The following THRA variants were observed in gnomAD, a reference collection of about 807,000 sequenced individuals.
THRA encodes the protein thyroid hormone receptor alpha.
In THRA, 13 loss-of-function variants were observed where a neutral mutation model predicts 45.0. The ratio of observed to expected loss-of-function variants is 0.29; its 90% CI spans 0.19 to 0.46. THRA has a LOEUF of 0.46. Ranked by LOEUF, THRA falls within the 20% of genes least tolerant of loss-of-function variation. THRA has a pLI of 1.00. For missense variants in THRA, 278 were observed against 556.1 expected, an observed-to-expected ratio of 0.50 and a Z score of 5.03; for synonymous variants, 195 against 214.0, an observed-to-expected ratio of 0.91 and a Z score of 0.78.
chr17:40,089,787 A>C lies in THRA; in HGVS notation c.*331A>C. ...GGACAAGCCACCTTGACCGTAGGGG[A>C]AGGAGGAATGTGGGCTGGGGGAAGA... On this transcript the variant is annotated 3_prime_UTR_variant, in exon 9 of 9. Coordinates refer to ENST00000450525, the MANE Select transcript of THRA (RefSeq NM_199334.5). This position sits in a 1 kb window ranked among gnomAD's most constrained non-coding sequence, Gnocchi z 6.1. The C allele has an allele frequency of 1.7e-6, 2 of 1,165,592 alleles. No homozygotes were observed. The highest frequency in any genetic ancestry group is 2.1e-6 in the Non-Finnish European group (2 of 936,716). 72.2% of individuals were successfully genotyped at this position (1,165,592 alleles called of 1,614,324 possible). A position where few individuals can be genotyped will look rare whatever the true frequency, so the allele number is the denominator to read the frequency against.
chr17:40,090,386 C>G lies in THRA; in HGVS notation c.*930C>G, dbSNP rs1019999142. The G allele has an allele frequency of 6.5e-6, 1 of 152,870 alleles. No homozygotes were observed. The highest frequency in any genetic ancestry group is 2.4e-5 in the African/African-American group (1 of 41,396). The allele number at this position is 152,870 out of a possible 1,614,324, so 9.5% of individuals were successfully genotyped here. ...TGGATGCCAGCTGGCCCCTCACCAG[C>G]CTGCCCTGCTGCCCACACAGCTCCC... On this transcript the variant is annotated 3_prime_UTR_variant, in exon 9 of 9. Transcript: ENST00000450525.
rs112827341 is a variant in THRA at position 40,087,414 on chromosome 17, GCA to G, written c.723+579_723+580del. ...ACACACAGACACACCCAGCACACAG[GCA>G]CACACACACACACACACCTAGCAGA... On this transcript the variant is annotated intron_variant, in intron 7 of 8. Coordinates refer to ENST00000450525, the MANE Select transcript of THRA (RefSeq NM_199334.5). Among the ~76,000 whole-genome samples, 339 of 119,122 alleles carry G rather than the reference GCA, an allele frequency of 2.8e-3. 1 individual carries two copies. The highest frequency in any genetic ancestry group is 8.6e-3 in the African/African-American group (286 of 33,354). The allele number at this position is 119,122 out of a possible 152,430, so 78.1% of individuals were successfully genotyped here. A position where few individuals can be genotyped will look rare whatever the true frequency, so the allele number is the denominator to read the frequency against.
intron 1 of THRA, among the ~76,000 whole-genome samples, chr17:40,069,766 A>ACCAC (rs1986707982): frequency 6.6e-6 from 1 of 151,648 alleles, no homozygotes; most frequent in Admixed American, 6.6e-5. Context: ...TGTGGGCATG[A>ACCAC]CCACCCACCA....
At chr17:40,079,696 T>G (rs1220919816) in intron 4 of THRA, among the ~76,000 whole-genome samples, 2 of 152,158 alleles carry the variant, frequency 1.3e-5, no homozygotes, top group Non-Finnish European at 2.9e-5. Flanking sequence ...ACACTTCAAG[T>G]GAATTGTCTC....
In THRA at chr17:40,090,101, T is replaced by C; in HGVS notation, c.*645T>C. ...ATGATATTAAGTTATTAACTGAGGCTGACCAGAGGGGAGGACCCCCCCTTT... is the reference window on the plus strand; with the variant it reads ...ATGATATTAAGTTATTAACTGAGGCCGACCAGAGGGGAGGACCCCCCCTTT... On this transcript the variant is annotated 3_prime_UTR_variant, in exon 9 of 9. Coordinates refer to ENST00000450525, the MANE Select transcript of THRA (RefSeq NM_199334.5). 1 of 926,900 alleles carries C rather than the reference T, an allele frequency of 1.1e-6. No individual in the cohort carries two copies. The highest frequency in any genetic ancestry group is 1.3e-6 in the Non-Finnish European group (1 of 776,430). The allele number at this position is 926,900 out of a possible 1,614,324, so 57.4% of individuals were successfully genotyped here.
chr17:40,069,723 CTGA>C (rs1413852302), intron 1 of THRA, among the ~76,000 whole-genome samples: 1 of 151,694 alleles, frequency 6.6e-6, no homozygotes, highest in Non-Finnish European at 1.5e-5. Context: ...GTTCTGTGGG[CTGA>C]TAAGGAGGGG....
At chr17:40,082,784 TGAGATGGAGTCTCA>T (rs1987189366) in intron 4 of THRA, among the ~76,000 whole-genome samples, 1 of 143,264 alleles carries the variant, frequency 7.0e-6, no homozygotes, top group African/African-American at 2.7e-5. Context: ...TTTTTTTTTT[TGAGATGGAGTCTCA>T]TTCTGTCACC....
Position 40,089,072 on chromosome 17 carries a change from C to A in THRA, c.983-134C>A. 1.6e-6 allele frequency: 1 copy of A among 631,144 alleles called. No individual in the cohort carries two copies. Among genetic ancestry groups the A allele is most frequent in the East Asian group, 5.1e-5 (1 of 19,530 alleles). The allele number at this position is 631,144 out of a possible 1,614,324, so 39.1% of individuals were successfully genotyped here. A position where few individuals can be genotyped will look rare whatever the true frequency, so the allele number is the denominator to read the frequency against. On this transcript the variant is annotated intron_variant, in intron 8 of 8. Transcript: ENST00000450525. This position sits in a 1 kb window ranked among gnomAD's most constrained non-coding sequence, Gnocchi z 6.1. ...TGTCCACGTCTCTCAGGGGGAGCTT[C>A]TCCCCTCCCCTCCCCCAGCCTCTCT... is the stretch of plus-strand genomic sequence containing the variant.
Position 40,089,743 on chromosome 17 carries a change from G to C in THRA, c.*287G>C, listed in dbSNP as rs1987465375. On this transcript the variant is annotated 3_prime_UTR_variant, in exon 9 of 9. Coordinates refer to ENST00000450525, the MANE Select transcript of THRA (RefSeq NM_199334.5). The surrounding 1 kb of genome is among the most constrained non-coding windows in gnomAD (Gnocchi z 6.1). Reference sequence around the variant, plus strand: ...CCCATCCTCTCAGAAGGTAGGGGAAGGGCGGGAGGATTGAGAAGGGACAAG... The same window carrying C: ...CCCATCCTCTCAGAAGGTAGGGGAACGGCGGGAGGATTGAGAAGGGACAAG... The C allele has an allele frequency of 1.6e-6, 2 of 1,279,428 alleles. No individual in the cohort carries two copies. Among genetic ancestry groups the C allele is most frequent in the African/African-American group, 3.0e-5 (2 of 66,202 alleles). The allele number at this position is 1,279,428 out of a possible 1,614,324, so 79.3% of individuals were successfully genotyped here.
At chr17:40,065,856 G>A (rs1986541083) in intron 1 of THRA, among the ~76,000 whole-genome samples, 1 of 152,158 alleles carries the variant, frequency 6.6e-6, no homozygotes, top group Non-Finnish European at 1.5e-5. Flanking sequence ...CCCTCAGGGT[G>A]CAGGCTGCAG....
At chr17:40,093,092 G>A (rs199759695), downstream of THRA, 14 of 1,614,000 alleles carry the variant, frequency 8.7e-6, no homozygotes, top group South Asian at 2.2e-5. The surrounding 1 kb of genome is among the most constrained non-coding windows in gnomAD (Gnocchi z 5.9). Context: ...GTCACTGGGC[G>A]TCCACCCGGA....
chr17:40,063,199 G>A (rs1598385137), intron 1 of THRA, 107 bp downstream of exon 1: 1 of 152,328 alleles, frequency 6.6e-6, no homozygotes, highest in African/African-American at 2.4e-5. Context: ...GGGGCGCCCA[G>A]GGGGTGCCTG....
At chr17:40,088,532 G>A (rs1359536520) in intron 8 of THRA, 32 bp downstream of exon 8, 1 of 1,581,536 alleles carries the variant, frequency 6.3e-7, no homozygotes, top group Non-Finnish European at 8.6e-7. Context: ...GGGCTCAGAA[G>A]CTTCCAGGGG....
Position 40,083,426 on chromosome 17 carries a change from T to A in THRA, c.223-409T>A, listed in dbSNP as rs552065024. On this transcript the variant is annotated intron_variant, in intron 4 of 8. Transcript: ENST00000450525. Reference sequence around the variant, plus strand: ...CAGGGTTTCTTCATGTTGGTCAGGCTGGTCTCGAACTCCCGACCTCAGTTG... The same window carrying A: ...CAGGGTTTCTTCATGTTGGTCAGGCAGGTCTCGAACTCCCGACCTCAGTTG... Among the ~76,000 whole-genome samples, 4 of 151,864 alleles carry A rather than the reference T, an allele frequency of 2.6e-5. No individual in the cohort carries two copies. In the East Asian group the frequency reaches 7.8e-4, roughly 30 times the overall value.
chr17:40,074,583 C>G, intron 2 of THRA, 42 bp downstream of exon 2: 1 of 1,607,476 alleles, frequency 6.2e-7, no homozygotes, highest in Middle Eastern at 1.7e-4. Flanking sequence ...TCCTAAGCAG[C>G]AGGCATGGGC....
At chr17:40,088,903 A>C in intron 8 of THRA, among the ~76,000 whole-genome samples, 5 of 110,536 alleles carry the variant, frequency 4.5e-5, no homozygotes, top group South Asian at 3.2e-4. Flanking sequence ...TCTGACCACC[A>C]ACCTCAGTCC....
chr17:40,093,553 C>T (rs1225156753), downstream of THRA: 11 of 1,093,952 alleles, frequency 1.0e-5, no homozygotes, highest in Non-Finnish European at 1.4e-5. This position sits in a 1 kb window ranked among gnomAD's most constrained non-coding sequence, Gnocchi z 5.9. Context: ...CATGGCCAGA[C>T]TCCCTTGCTT....
intron 1 of THRA, among the ~76,000 whole-genome samples, chr17:40,065,600 T>C (rs1018677350): frequency 2.6e-5 from 4 of 152,198 alleles, no homozygotes; most frequent in Non-Finnish European, 5.9e-5. Context: ...TTCTTCATAC[T>C]TTTCCAGTTG....
chr17:40,087,703 C>T (rs1158039453), intron 7 of THRA, among the ~76,000 whole-genome samples: 2 of 152,226 alleles, frequency 1.3e-5, no homozygotes, highest in East Asian at 1.9e-4. Flanking sequence ...CCCTGTGCCT[C>T]AGTGTTCCCA....
Sources: allele counts gnomAD v4.1 joint callset (sites outside exome capture counted in the v4.1 genomes callset), GRCh38; gene constraint gnomAD v4.1.1; non-coding constraint Gnocchi (gnomAD v3.1); transcripts MANE v1.5; gene names NCBI Gene and HGNC (gene_info 2026-07-23, HGNC 2026-07-21).